The following IL31RA variants were observed in gnomAD, a reference collection of about 807,000 sequenced individuals.
The protein encoded by IL31RA is interleukin-31 receptor subunit alpha.
In IL31RA, 66 loss-of-function variants were observed where a neutral mutation model predicts 83.7. The observed-to-expected ratio is 0.79, with a 90% CI of 0.65 to 0.97. IL31RA has a LOEUF of 0.97. IL31RA is among the 50% of genes least tolerant of loss of function. The pLI is 0.00. For missense variants in IL31RA, 798 were observed against 919.4 expected, an observed-to-expected ratio of 0.87 and a Z score of 1.71; for synonymous variants, 325 against 329.0, an observed-to-expected ratio of 0.99 and a Z score of 0.13.
In IL31RA at chr5:55,900,005, G is replaced by A. The variant is rs569176271; in HGVS notation, c.942G>A (p.Met314Ile). 1 of 1,614,022 alleles carries A rather than the reference G, an allele frequency of 6.2e-7. No homozygotes were observed. The highest frequency in any genetic ancestry group is 1.3e-5 in the African/African-American group (1 of 75,056). The change falls in exon 8 of 15, where the codon ATG (methionine) becomes ATA (isoleucine). Residue 314 changes from methionine to isoleucine, a missense_variant. Met to Ile is a conservative substitution (Grantham distance 10). Transcript: ENST00000652347. Reference sequence around the variant, plus strand: ...GCAACACTAACCTCACAGAAACAATGAACACTACTAACCAGCAGCTTGAAC... The same window carrying A: ...GCAACACTAACCTCACAGAAACAATAAACACTACTAACCAGCAGCTTGAAC... The part of the protein sequence containing the change: ...PESNTNLTET[M>I]NTTNQQLELH...
chr5:55,846,023 A>G, the IL31RA span, among the ~76,000 whole-genome samples: 1 of 152,148 alleles, frequency 6.6e-6, no homozygotes, highest in Non-Finnish European at 1.5e-5. Context: ...ATACTTGTCC[A>G]CACTGAGCCT....
intron 1 of IL31RA, among the ~76,000 whole-genome samples, 162 bp downstream of exon 1, chr5:55,851,795 C>A (rs1048729695): frequency 2.0e-5 from 3 of 152,164 alleles, no homozygotes. Context: ...TTGTTGGCAA[C>A]CTTATTAGGC....
intron 8 of IL31RA, 36 bp from the exon 9 acceptor site, chr5:55,906,070 G>T: frequency 1.2e-6 from 2 of 1,605,816 alleles, no homozygotes; most frequent in South Asian, 1.1e-5. Context: ...GGAATGAGTT[G>T]GGTAGCTGTG....
At chr5:55,854,403 A>G (rs568207682) in intron 1 of IL31RA, among the ~76,000 whole-genome samples, 2 of 152,376 alleles carry the variant, frequency 1.3e-5, no homozygotes, top group South Asian at 4.1e-4. Context: ...CTTAATAAAA[A>G]TAGCAATTTC....
chr5:55,859,515 C>G lies in IL31RA; in HGVS notation c.70C>G (p.Pro24Ala). 6.2e-7 allele frequency: 1 copy of G among 1,613,380 alleles called. No individual in the cohort carries two copies. The highest frequency in any genetic ancestry group is 8.5e-7 in the Non-Finnish European group (1 of 1,179,308). The change falls in exon 2 of 15, where the codon CCC becomes GCC. Residue 24 changes from proline (P) to alanine (A), a missense_variant. Transcript: ENST00000652347. Reference sequence around the variant, plus strand: ...TGACTGATGTCATTTTCAGCTCTCTCCCCAGCCTTCATGTGTTAACCTGGG... The same window carrying G: ...TGACTGATGTCATTTTCAGCTCTCTGCCCAGCCTTCATGTGTTAACCTGGG... ...VCECPQNILS[P>A]QPSCVNLGMM...
rs1750132807 is a variant in IL31RA, at chr5:55,922,330, T to A, written c.*5210T>A. 2 of 1,390,360 alleles carry A rather than the reference T, an allele frequency of 1.4e-6. No homozygotes were observed. Among genetic ancestry groups the A allele is most frequent in the Admixed American group, 3.9e-5 (2 of 50,834 alleles). The allele number at this position is 1,390,360 out of a possible 1,614,324, so 86.1% of individuals were successfully genotyped here. On this transcript the variant is annotated 3_prime_UTR_variant, in exon 15 of 15. Transcript: ENST00000652347. Reference sequence around the variant, plus strand: ...AACTCCACAAGAGGGCAAAACCTGCTGTCAGCAATGCTCTCGTGGCTGTTC... The same window carrying A: ...AACTCCACAAGAGGGCAAAACCTGCAGTCAGCAATGCTCTCGTGGCTGTTC...
intron 4 of IL31RA, among the ~76,000 whole-genome samples, chr5:55,873,968 A>G (rs1363720631): frequency 6.6e-6 from 1 of 152,096 alleles, no homozygotes; most frequent in Non-Finnish European, 1.5e-5. Context: ...GCCTAACCTG[A>G]GGTCAGAAAG....
intron 5 of IL31RA, among the ~76,000 whole-genome samples, chr5:55,886,240 T>TTAGC (rs1747593481): frequency 6.7e-6 from 1 of 148,932 alleles, no homozygotes; most frequent in Admixed American, 6.6e-5. Context: ...TTCTCTCTCC[T>TTAGC]TAGCTAGCTT....
At chr5:55,884,727 T>C (rs891994538) in intron 5 of IL31RA, among the ~76,000 whole-genome samples, 10 of 152,246 alleles carry the variant, frequency 6.6e-5, no homozygotes, top group South Asian at 2.1e-4. Flanking sequence ...AGACACATTA[T>C]TGACTTTTAA....
At chr5:55,867,100 T>C (rs532028237) in intron 2 of IL31RA, among the ~76,000 whole-genome samples, 2 of 27,436 alleles carry the variant, frequency 7.3e-5, no homozygotes, top group East Asian at 6.2e-4. Flanking sequence ...TGTGTGTGTT[T>C]GTGTGTGTGT....
intron 5 of IL31RA, among the ~76,000 whole-genome samples, chr5:55,888,038 A>AG (rs1241568598): frequency 2.0e-5 from 3 of 148,260 alleles, no homozygotes; most frequent in African/African-American, 7.7e-5. Context: ...CAACAGAGTC[A>AG]GGGAAAAAAA....
intron 4 of IL31RA, among the ~76,000 whole-genome samples, chr5:55,880,972 C>T (rs540398422): frequency 6.6e-6 from 1 of 152,262 alleles, no homozygotes; most frequent in Non-Finnish European, 1.5e-5. Context: ...GAAGAAGAAA[C>T]TGAGGCACGT....
rs996471582 is a variant in IL31RA, at chr5:55,917,373, C to T, written c.*253C>T. The T allele has an allele frequency of 1.2e-5, 16 of 1,310,218 alleles. No individual in the cohort carries two copies. The African/African-American group carries it at 2.4e-4, about 20-fold the overall frequency. 81.2% of individuals were successfully genotyped at this position (1,310,218 alleles called of 1,614,324 possible). ...TTTTCGTTTGTTCAGATACCAAGCTCTCACCGAGGCCTCCTGACAGATTGA... is the reference window on the plus strand; with the variant it reads ...TTTTCGTTTGTTCAGATACCAAGCTTTCACCGAGGCCTCCTGACAGATTGA... On this transcript the variant is annotated 3_prime_UTR_variant, in exon 15 of 15. Coordinates refer to ENST00000652347, the MANE Select transcript of IL31RA (RefSeq NM_139017.7).
chr5:55,881,813 G>A (rs1193033827), intron 4 of IL31RA, among the ~76,000 whole-genome samples: 1 of 141,066 alleles, frequency 7.1e-6, no homozygotes, highest in Non-Finnish European at 1.5e-5. Flanking sequence ...CTGCCTACTG[G>A]GTTCAAGTGA....
intron 2 of IL31RA, among the ~76,000 whole-genome samples, chr5:55,863,514 C>T (rs996234639): frequency 6.6e-5 from 10 of 152,216 alleles, no homozygotes; most frequent in South Asian, 4.1e-4. Flanking sequence ...GAGAGTCATG[C>T]GCCATCACTT....
At position 55,921,802 on chromosome 5, in the gene IL31RA, C is replaced by T. The variant is rs530910403; in HGVS notation, c.*4682C>T. Among the ~76,000 whole-genome samples, 5 of 152,250 alleles carry T rather than the reference C, an allele frequency of 3.3e-5. No individual in the cohort carries two copies. Among genetic ancestry groups the T allele is most frequent in the East Asian group, 1.9e-4 (1 of 5,190 alleles). ...GACATTACAGAATGTTCTCTGCCTC[C>T]GTGCTCCTGGGGACATTGACAGACC... is the stretch of plus-strand genomic sequence containing the variant. On this transcript the variant is annotated 3_prime_UTR_variant, in exon 15 of 15. Coordinates refer to ENST00000652347, the MANE Select transcript of IL31RA (RefSeq NM_139017.7).
At chr5:55,882,916 C>A in intron 4 of IL31RA, 128 bp from the exon 5 acceptor site, 1 of 843,588 alleles carries the variant, frequency 1.2e-6, no homozygotes, top group Non-Finnish European at 2.0e-6. Context: ...TACTGCCTTG[C>A]AAATGCCATC....
intron 6 of IL31RA, among the ~76,000 whole-genome samples, chr5:55,893,785 A>G (rs920936487): frequency 1.3e-5 from 2 of 151,864 alleles, no homozygotes; most frequent in Non-Finnish European, 2.9e-5. Flanking sequence ...CATCTACAAA[A>G]ACAAAATGGC....
chr5:55,884,215 T>A (rs895513998), intron 5 of IL31RA, among the ~76,000 whole-genome samples: 1 of 152,362 alleles, frequency 6.6e-6, no homozygotes, highest in Non-Finnish European at 1.5e-5. Flanking sequence ...TGCAAACATC[T>A]TTCACTATGT....
Sources: gnomAD v4.1 joint callset for allele counts (sites outside exome capture counted in the v4.1 genomes callset) on GRCh38, gnomAD v4.1.1 for gene constraint, MANE v1.5 for transcripts, NCBI Gene and HGNC (gene_info 2026-07-23, HGNC 2026-07-21) for gene names.